GRID1: variants seen among roughly 807,000 people sequenced by gnomAD.
The protein encoded by GRID1 is glutamate receptor ionotropic, delta-1.
In GRID1, 28 loss-of-function variants were observed where a neutral mutation model predicts 98.0. The observed-to-expected ratio is 0.29, with a 90% CI of 0.21 to 0.39. The LOEUF is 0.39. Ranked by LOEUF, GRID1 falls within the 10% of genes least tolerant of loss-of-function variation. The probability of loss-of-function intolerance (pLI) is 1.00; values close to 1 mark genes in which losing one functional copy is unlikely to be tolerated. For missense variants in GRID1, 1,111 were observed against 1,340.5 expected, an observed-to-expected ratio of 0.83 and a Z score of 2.67; for synonymous variants, 553 against 538.5, an observed-to-expected ratio of 1.03 and a Z score of -0.37.
chr10:85,953,663 T>C (rs7090885), intron 4 of GRID1, among the ~76,000 whole-genome samples: 85,063 of 152,054 alleles, frequency 0.56, 24,729 homozygotes, highest in African/African-American at 0.72. Flanking sequence ...AACCCCTCTC[T>C]GCTGCTTCAG....
chr10:86,318,377 T>C (rs576939778), intron 2 of GRID1, among the ~76,000 whole-genome samples: 120 of 152,322 alleles, frequency 7.9e-4, no homozygotes, highest in African/African-American at 2.8e-3. Context: ...GAAAAACACC[T>C]TCTGTCACCA....
intron 4 of GRID1, among the ~76,000 whole-genome samples, chr10:86,105,117 G>C (rs77321830): frequency 9.8e-5 from 15 of 152,324 alleles, no homozygotes; most frequent in African/African-American, 3.6e-4. Flanking sequence ...GACAGGGTTA[G>C]TGCCATCCTC....
At chr10:86,142,119 G>T (rs1845019709) in intron 3 of GRID1, among the ~76,000 whole-genome samples, 1 of 152,198 alleles carries the variant, frequency 6.6e-6, no homozygotes, top group Admixed American at 6.5e-5. Context: ...GGAATGTGGG[G>T]ACACATAGGG....
At chr10:86,107,536 G>A (rs1844409617) in intron 4 of GRID1, among the ~76,000 whole-genome samples, 1 of 152,178 alleles carries the variant, frequency 6.6e-6, no homozygotes, top group Non-Finnish European at 1.5e-5. Context: ...CCCTGGCTAG[G>A]GCTCCACTCC....
intron 2 of GRID1, among the ~76,000 whole-genome samples, chr10:86,209,806 T>C (rs564110939): frequency 2.6e-5 from 4 of 152,198 alleles, no homozygotes; most frequent in African/African-American, 9.6e-5. Context: ...CTTTTGGCTC[T>C]TGTTGCCCCA....
At chr10:85,843,569 A>G (rs1030266460) in intron 8 of GRID1, among the ~76,000 whole-genome samples, 11 of 152,096 alleles carry the variant, frequency 7.2e-5, no homozygotes, top group African/African-American at 2.4e-4. Context: ...GAATATATAA[A>G]GAATTCTCAA....
chr10:85,790,521 T>A (rs1419460800), intron 8 of GRID1, among the ~76,000 whole-genome samples: 1 of 152,092 alleles, frequency 6.6e-6, no homozygotes, highest in East Asian at 1.9e-4. Context: ...CAAAGGAAGG[T>A]CCTGTCTGGG....
intron 2 of GRID1, among the ~76,000 whole-genome samples, chr10:86,352,526 G>T (rs1195039357): frequency 7.3e-6 from 1 of 137,062 alleles, no homozygotes; most frequent in East Asian, 2.7e-4. Context: ...CTGCCTTCTT[G>T]CTGCATCCTC....
chr10:86,269,513 A>T (rs566770835), intron 2 of GRID1, among the ~76,000 whole-genome samples: 1 of 152,284 alleles, frequency 6.6e-6, no homozygotes, highest in African/African-American at 2.4e-5. Context: ...ACCCCTGCTA[A>T]TTAGGAGTTC....
At chr10:85,853,108 C>A (rs761200171) in intron 8 of GRID1, among the ~76,000 whole-genome samples, 1 of 152,128 alleles carries the variant, frequency 6.6e-6, no homozygotes, top group Non-Finnish European at 1.5e-5. Context: ...CCCTGGGGAG[C>A]TTGTCTTCTG....
intron 2 of GRID1, among the ~76,000 whole-genome samples, chr10:86,337,889 G>C (rs1168142472): frequency 6.6e-6 from 1 of 151,764 alleles, no homozygotes; most frequent in Non-Finnish European, 1.5e-5. Context: ...TGTATTATTA[G>C]TAGAGACAGG....
chr10:85,966,810 C>T (rs1387870853), intron 4 of GRID1, among the ~76,000 whole-genome samples: 4 of 146,904 alleles, frequency 2.7e-5, no homozygotes, highest in Admixed American at 6.7e-5. Flanking sequence ...TGAGACTCCA[C>T]CTCAAAAAAA....
chr10:85,691,305 A>C (rs975660568), intron 12 of GRID1, among the ~76,000 whole-genome samples: 1 of 152,206 alleles, frequency 6.6e-6, no homozygotes, highest in Non-Finnish European at 1.5e-5. Context: ...TGTTTTCTTT[A>C]GCATTTTTCA....
intron 12 of GRID1, among the ~76,000 whole-genome samples, chr10:85,701,793 TA>T (rs1433427827): frequency 2.6e-5 from 4 of 151,982 alleles, no homozygotes; most frequent in Non-Finnish European, 5.9e-5. Context: ...AGGAAAAACA[TA>T]AGAATGATAC....
chr10:86,027,834 C>G (rs937961248), intron 4 of GRID1, among the ~76,000 whole-genome samples: 1 of 152,218 alleles, frequency 6.6e-6, no homozygotes, highest in East Asian at 1.9e-4. Flanking sequence ...ATTATCACAA[C>G]AGTCATTACA....
intron 4 of GRID1, among the ~76,000 whole-genome samples, chr10:86,066,786 T>G (rs1843725607): frequency 6.6e-6 from 1 of 152,110 alleles, no homozygotes; most frequent in African/African-American, 2.4e-5. Context: ...TCAGGCCACC[T>G]CCTCCCCTTT....
At chr10:85,767,613 G>A (rs560740201) in intron 8 of GRID1, among the ~76,000 whole-genome samples, 1 of 152,182 alleles carries the variant, frequency 6.6e-6, no homozygotes, top group Non-Finnish European at 1.5e-5. Context: ...AAGAGTCACT[G>A]GGTCAGGGAG....
chr10:85,812,002 G>C lies in GRID1; in HGVS notation c.1233+42494C>G, dbSNP rs550662491. On this transcript the variant is annotated intron_variant, in intron 8 of 15. Coordinates refer to ENST00000327946, the MANE Select transcript of GRID1 (RefSeq NM_017551.3). ...GAGAATTCCAATTAGACCAACAGTA[G>C]GTTTCTCAGAAGAAATCTTACAGGC... Among the ~76,000 whole-genome samples the C allele has an allele frequency of 2.9e-4, 44 of 152,222 alleles. No individual in the cohort carries two copies. In the South Asian group the frequency reaches 9.1e-3, roughly 32 times the overall value.
chr10:85,773,384 A>G (rs1338019237), intron 8 of GRID1, among the ~76,000 whole-genome samples: 1 of 152,202 alleles, frequency 6.6e-6, no homozygotes, highest in South Asian at 2.1e-4. Context: ...ATGGGCAAAA[A>G]CTGGAAGCAT....
Sources: gnomAD v4.1 joint callset for allele counts (sites outside exome capture counted in the v4.1 genomes callset) on GRCh38, gnomAD v4.1.1 for gene constraint, MANE v1.5 for transcripts, NCBI Gene and HGNC (gene_info 2026-07-23, HGNC 2026-07-21) for gene names.